GCFC2: variants seen among roughly 807,000 people sequenced by gnomAD.
GCFC2 encodes the protein GC-rich sequence DNA-binding factor 2, also known as intron Large complex component GCFC2.
In GCFC2, 102 loss-of-function variants were observed where a neutral mutation model predicts 99.4. The observed-to-expected ratio is 1.03, with a 90% CI of 0.87 to 1.21. The LOEUF is 1.21. GCFC2 is among the 50% of genes most tolerant of loss of function. The probability of loss-of-function intolerance (pLI) is 0.00; values close to 1 mark genes in which losing one functional copy is unlikely to be tolerated. For synonymous variants in GCFC2, 338 were observed against 316.8 expected, an observed-to-expected ratio of 1.07 and a Z score of -0.71; for missense variants, 973 against 920.9, an observed-to-expected ratio of 1.06 and a Z score of -0.73.
At chr2:75,667,334 GATTAT>G (rs1213032561) in intron 15 of GCFC2, among the ~76,000 whole-genome samples, 1 of 152,118 alleles carries the variant, frequency 6.6e-6, no homozygotes, top group Non-Finnish European at 1.5e-5. Context: ...TAATCATACA[GATTAT>G]GCTACATTTG....
Position 75,710,802 on chromosome 2 carries a change from G to A in GCFC2, c.54C>T (p.Asp18=), listed in dbSNP as rs1265078441. 5 of 1,579,038 alleles carry A rather than the reference G, an allele frequency of 3.2e-6. No homozygotes were observed. Among genetic ancestry groups the A allele is most frequent in the Non-Finnish European group, 3.4e-6 (4 of 1,168,980 alleles). Residue 18 remains aspartate, a synonymous_variant, in exon 1 of 17, where the codon GAC becomes GAT. Transcript: ENST00000321027. ...CAGGCGACTCCTCGGCGCCATCGCTGTCGCTGGAATCAGCCGCGCGCTGCC... is the reference window on the plus strand; with the variant it reads ...CAGGCGACTCCTCGGCGCCATCGCTATCGCTGGAATCAGCCGCGCGCTGCC... ...TFRQRAADSS[D]SDGAEESPAE... is the part of the protein sequence containing the mutation.
At chr2:75,710,968 C>T (rs930628169), upstream of GCFC2, 7 of 1,368,276 alleles carry the variant, frequency 5.1e-6, no homozygotes, top group Non-Finnish European at 6.5e-6. Context: ...GTGCGCGCGC[C>T]CGTCCCGCCT....
chr2:75,666,006 C>T lies in GCFC2; in HGVS notation c.2151G>A (p.Arg717=), dbSNP rs1233957276. The T allele has an allele frequency of 6.2e-7, 1 of 1,603,378 alleles. No individual in the cohort carries two copies. The highest frequency in any genetic ancestry group is 2.2e-5 in the East Asian group (1 of 44,614). The change falls in exon 16 of 17, where the codon AGG becomes AGA. Residue 717 remains arginine (R), a synonymous_variant. Transcript: ENST00000321027. The stretch of plus-strand genomic sequence containing the variant: ...AGTTTTCTAGCTGTGGAATAGATGT[C>T]CTCATGGCAGAATTTTCAAACCATT... ...PEKWFENSAM[R]TSIPQLENFI... is the part of the protein sequence containing the mutation.
At chr2:75,708,281 G>A (rs1680960851) in intron 1 of GCFC2, among the ~76,000 whole-genome samples, 2 of 152,226 alleles carry the variant, frequency 1.3e-5, no homozygotes, top group South Asian at 4.1e-4. Flanking sequence ...AGTACTTACA[G>A]ACTGATTAAT....
Position 75,690,737 on chromosome 2 carries a change from T to C in GCFC2, c.1145-18A>G, listed in dbSNP as rs772082677. ...ATCTTTGCCTGTTAATAAATAAAAT[T>C]GACTTCATACTACAAATTCTCAAAA... On this transcript the variant is annotated intron_variant, in intron 7 of 16. Transcript: ENST00000321027. The C allele has an allele frequency of 8.1e-6, 10 of 1,241,656 alleles. No homozygotes were observed. The highest frequency in any genetic ancestry group is 2.0e-5 in the Admixed American group (1 of 49,572). The allele number at this position is 1,241,656 out of a possible 1,614,324, so 76.9% of individuals were successfully genotyped here. A position where few individuals can be genotyped will look rare whatever the true frequency, so the allele number is the denominator to read the frequency against.
At chr2:75,693,250 G>A (rs1680168275) in intron 6 of GCFC2, among the ~76,000 whole-genome samples, 1 of 152,048 alleles carries the variant, frequency 6.6e-6, no homozygotes, top group Admixed American at 6.5e-5. Flanking sequence ...ACCAGCTTGG[G>A]CAACATGGCG....
At chr2:75,685,434 ATGAT>A (rs1198193646) in intron 11 of GCFC2, among the ~76,000 whole-genome samples, 2 of 152,090 alleles carry the variant, frequency 1.3e-5, no homozygotes, top group African/African-American at 4.8e-5. Context: ...GCAAACTCCA[ATGAT>A]TGATTCTAAT....
At chr2:75,703,598 C>T (rs888641629) in intron 2 of GCFC2, among the ~76,000 whole-genome samples, 4 of 152,164 alleles carry the variant, frequency 2.6e-5, no homozygotes, top group Non-Finnish European at 4.4e-5. Context: ...TATTTATAGA[C>T]TACTGTCAGG....
chr2:75,678,234 A>C (rs1430450750), intron 12 of GCFC2, among the ~76,000 whole-genome samples: 1 of 152,220 alleles, frequency 6.6e-6, no homozygotes, highest in Non-Finnish European at 1.5e-5. Flanking sequence ...ACTAAACAAT[A>C]CTATATGGAA....
intron 4 of GCFC2, among the ~76,000 whole-genome samples, 176 bp downstream of exon 4, chr2:75,701,011 CGCT>C (rs1680563668): frequency 1.3e-5 from 2 of 152,114 alleles, no homozygotes; most frequent in African/African-American, 4.8e-5. Context: ...GAAGAATTAC[CGCT>C]CCCCACAACC....
intron 12 of GCFC2, among the ~76,000 whole-genome samples, chr2:75,674,341 CAG>C (rs1308583489): frequency 2.0e-5 from 3 of 152,114 alleles, no homozygotes. Flanking sequence ...TATTCAATCA[CAG>C]GGAATTTTAA....
At chr2:75,698,039 G>C (rs957972840) in intron 4 of GCFC2, 4 of 152,202 alleles carry the variant, frequency 2.6e-5, no homozygotes, top group African/African-American at 9.7e-5. Context: ...CCACAGGAAA[G>C]TAACACAGTG....
intron 11 of GCFC2, among the ~76,000 whole-genome samples, chr2:75,684,884 G>A (rs1254671469): frequency 6.6e-6 from 1 of 152,162 alleles, no homozygotes; most frequent in Non-Finnish European, 1.5e-5. Flanking sequence ...CCATAAAACA[G>A]GATGAGTTTA....
intron 11 of GCFC2, among the ~76,000 whole-genome samples, chr2:75,680,856 G>T (rs1301348999): frequency 6.6e-6 from 1 of 151,134 alleles, no homozygotes; most frequent in Non-Finnish European, 1.5e-5. Flanking sequence ...GCACTATGAA[G>T]CTCCTACCAC....
intron 13 of GCFC2, among the ~76,000 whole-genome samples, chr2:75,673,032 C>T (rs867418652): frequency 2.1e-4 from 32 of 152,158 alleles, no homozygotes; most frequent in Admixed American, 2.6e-4. Context: ...TATAGTTGGC[C>T]GGGCGCGGTG....
At chr2:75,703,005 C>T (rs1680678366) in intron 2 of GCFC2, among the ~76,000 whole-genome samples, 1 of 152,124 alleles carries the variant, frequency 6.6e-6, no homozygotes, top group Non-Finnish European at 1.5e-5. Context: ...AAACATGAGA[C>T]ATTAAGAAGT....
chr2:75,706,577 C>T lies in GCFC2; in HGVS notation c.340G>A (p.Gly114Ser), dbSNP rs1680875550. 6.3e-7 allele frequency: 1 copy of T among 1,599,676 alleles called. No homozygotes were observed. The highest frequency in any genetic ancestry group is 1.7e-5 in the Admixed American group (1 of 59,942). The change falls in exon 2 of 17, where the codon GGT becomes AGT. Residue 114 changes from glycine (G) to serine (S), a missense_variant. Gly to Ser is a moderately conservative substitution (Grantham distance 56). Coordinates refer to ENST00000321027, the MANE Select transcript of GCFC2 (RefSeq NM_003203.5). ...GAGCTAGAACTGTCAGAAGACAAACCCTGATCATCCTTACTTTCTGAGGAG... is the reference window on the plus strand; with the variant it reads ...GAGCTAGAACTGTCAGAAGACAAACTCTGATCATCCTTACTTTCTGAGGAG... ...HHSSESKDDQ[G>S]LSSDSSSSLG...
chr2:75,701,063 C>T, intron 4 of GCFC2, 127 bp downstream of exon 4: 1 of 620,524 alleles, frequency 1.6e-6, no homozygotes, highest in Non-Finnish European at 2.8e-6. Context: ...CTGCCAATAC[C>T]TTGACTTCAG....
upstream of GCFC2, chr2:75,711,281 AAAAC>A (rs1681172316): frequency 1.1e-6 from 1 of 885,828 alleles, no homozygotes. Context: ...ACCAAGATTT[AAAAC>A]AAACGAAACC....
Sources: gnomAD v4.1 joint callset for allele counts (sites outside exome capture counted in the v4.1 genomes callset) on GRCh38, gnomAD v4.1.1 for gene constraint, MANE v1.5 for transcripts, NCBI Gene and HGNC (gene_info 2026-07-23, HGNC 2026-07-21) for gene names.